Variants in LEPR observed in about 807,000 individuals in gnomAD.
The protein encoded by LEPR is OB receptor.
In LEPR, 56 loss-of-function variants were observed where a neutral mutation model predicts 114.7. The ratio of observed to expected loss-of-function variants is 0.49; its 90% CI spans 0.39 to 0.61. The LOEUF is 0.61. LEPR is among the 20% of genes least tolerant of loss of function. LEPR has a pLI of 0.00. For synonymous variants in LEPR, 443 were observed against 461.4 expected (o/e 0.96, Z 0.51); for missense variants, 1,202 against 1,352.9 (o/e 0.89, Z 1.75).
At chr1:65,433,582 A>C in intron 2 of LEPR, 1 of 985,430 alleles carries the variant, frequency 1.0e-6, no homozygotes, top group Non-Finnish European at 1.2e-6. Context: ...CTGGGACTGG[A>C]AAATAGAAAG....
At chr1:65,571,626 T>C (rs1419064236) in intron 4 of LEPR, among the ~76,000 whole-genome samples, 2 of 147,618 alleles carry the variant, frequency 1.4e-5, no homozygotes, top group African/African-American at 5.0e-5. Context: ...GACCTTGTTA[T>C]GATGTTGGCA....
chr1:65,499,745 C>T (rs1258836028), intron 2 of LEPR, among the ~76,000 whole-genome samples: 1 of 152,128 alleles, frequency 6.6e-6, no homozygotes, highest in Non-Finnish European at 1.5e-5. Context: ...TTAATACCTC[C>T]CAGTATTCCT....
intron 5 of LEPR, among the ~76,000 whole-genome samples, chr1:65,574,164 T>G (rs1654409072): frequency 6.6e-6 from 1 of 152,146 alleles, no homozygotes; most frequent in Admixed American, 6.5e-5. Context: ...AGGAAAGGTT[T>G]CCTAAGGAAG....
At chr1:65,431,922 C>G (rs1646490905) in intron 2 of LEPR, 2 of 1,612,944 alleles carry the variant, frequency 1.2e-6, no homozygotes, top group Admixed American at 3.3e-5. Context: ...AGTGGTAGCA[C>G]TTTATTCTGA....
At chr1:65,435,657 G>A in intron 2 of LEPR, 1 of 985,116 alleles carries the variant, frequency 1.0e-6, no homozygotes, top group Non-Finnish European at 1.2e-6. Flanking sequence ...CTGAGCCACT[G>A]TGCCCAGCCA....
At chr1:65,606,940 A>G (rs188982829) in intron 11 of LEPR, among the ~76,000 whole-genome samples, 1 of 152,354 alleles carries the variant, frequency 6.6e-6, no homozygotes, top group Non-Finnish European at 1.5e-5. Flanking sequence ...AAAATACCAT[A>G]TGAAAGGGAG....
rs191408855 is a variant in LEPR at position 65,556,749 on chromosome 1, C to A, written c.-20-8797C>A. Among the ~76,000 whole-genome samples, 15 of 152,086 alleles carry A rather than the reference C, an allele frequency of 9.9e-5. No homozygotes were observed. The East Asian group carries it at 2.9e-3, about 29-fold the overall frequency. On this transcript the variant is annotated intron_variant, in intron 2 of 19. Coordinates refer to ENST00000349533, the MANE Select transcript of LEPR (RefSeq NM_002303.6). ...TCAGATGGGATGGCCAGGGCAGGCT[C>A]CTTTAGAAGGTGAGTTGAGTGGTGG...
chr1:65,452,335 G>T (rs1244390459), intron 2 of LEPR, among the ~76,000 whole-genome samples: 2 of 149,768 alleles, frequency 1.3e-5, no homozygotes, highest in African/African-American at 4.9e-5. Context: ...AGTGGTGAGA[G>T]AGGGCATCCC....
At chr1:65,594,866 G>A (rs896492780) in intron 6 of LEPR, among the ~76,000 whole-genome samples, 2 of 151,994 alleles carry the variant, frequency 1.3e-5, no homozygotes, top group African/African-American at 4.8e-5. Flanking sequence ...GAGGGAATAA[G>A]CATCTATGGA....
At chr1:65,509,805 C>G (rs537288421) in intron 2 of LEPR, among the ~76,000 whole-genome samples, 1 of 152,278 alleles carries the variant, frequency 6.6e-6, no homozygotes, top group Non-Finnish European at 1.5e-5. Flanking sequence ...AAACACAGAG[C>G]AATCTTTTCC....
intron 2 of LEPR, chr1:65,435,290 GTTCA>G (rs1646543085): frequency 1.0e-6 from 1 of 984,268 alleles, no homozygotes; most frequent in African/African-American, 1.8e-5. Flanking sequence ...GGCTGAAATA[GTTCA>G]TTATGTTAAT....
chr1:65,557,307 A>T (rs1368151447), intron 2 of LEPR, among the ~76,000 whole-genome samples: 1 of 152,230 alleles, frequency 6.6e-6, no homozygotes, highest in Non-Finnish European at 1.5e-5. Context: ...GTTCATCCTT[A>T]GGAAGTGTCT....
chr1:65,432,655 A>G, intron 2 of LEPR: 2 of 984,544 alleles, frequency 2.0e-6, no homozygotes, highest in South Asian at 4.7e-5. Context: ...CCTCAAATTT[A>G]TGAAAAGTGT....
At chr1:65,435,606 A>G (rs1570443929) in intron 2 of LEPR, 1 of 736,992 alleles carries the variant, frequency 1.4e-6, no homozygotes, top group Non-Finnish European at 1.7e-6. Flanking sequence ...TGACCTCATG[A>G]TCCGCCCGCC....
At chr1:65,533,476 A>G (rs994550865) in intron 2 of LEPR, among the ~76,000 whole-genome samples, 5 of 152,062 alleles carry the variant, frequency 3.3e-5, no homozygotes, top group South Asian at 2.1e-4. Context: ...AATCAAGACA[A>G]TGTTTCTTTA....
At chr1:65,525,553 G>A (rs1267805562) in intron 2 of LEPR, 2 of 876,596 alleles carry the variant, frequency 2.3e-6, no homozygotes, top group South Asian at 1.0e-4. Context: ...GCTCAGGGGC[G>A]GCTGCGGAGG....
chr1:65,435,470 C>T (rs1351772702), intron 2 of LEPR: 8 of 440,266 alleles, frequency 1.8e-5, no homozygotes, highest in Non-Finnish European at 2.4e-5. Context: ...CGGGTTCACG[C>T]CATTCTCCTG....
chr1:65,609,008 C>T, intron 12 of LEPR, 107 bp downstream of exon 12: 1 of 1,408,442 alleles, frequency 7.1e-7, no homozygotes, highest in East Asian at 2.4e-5. Flanking sequence ...GTACATTCTC[C>T]TGTATTGTGT....
At chr1:65,436,366 A>G (rs1297998764) in intron 2 of LEPR, among the ~76,000 whole-genome samples, 1 of 152,234 alleles carries the variant, frequency 6.6e-6, no homozygotes, top group Non-Finnish European at 1.5e-5. Context: ...ACTAATAGAA[A>G]GTAGTCTTTA....
Sources: gnomAD v4.1 joint callset for allele counts (sites outside exome capture counted in the v4.1 genomes callset) on GRCh38, gnomAD v4.1.1 for gene constraint, MANE v1.5 for transcripts, NCBI Gene and HGNC (gene_info 2026-07-23, HGNC 2026-07-21) for gene names.